The following TRPM3 variants were observed in gnomAD, a reference collection of about 807,000 sequenced individuals.
The protein encoded by TRPM3 is long transient receptor potential channel 3.
TRPM3 carries 77 observed loss-of-function variants against 181.2 expected under a neutral mutation model. The ratio of observed to expected loss-of-function variants is 0.42; its 90% CI spans 0.35 to 0.51. The LOEUF is 0.51. Ranked by LOEUF, TRPM3 falls within the 20% of genes least tolerant of loss-of-function variation. The pLI is 0.01. For missense variants in TRPM3, 1,759 were observed against 2,196.7 expected (o/e 0.80, Z 3.98); for synonymous variants, 745 against 796.4 (o/e 0.94, Z 1.09).
chr9:71,034,848 T>C (rs1175984140), intron 1 of TRPM3, among the ~76,000 whole-genome samples: 6 of 152,126 alleles, frequency 3.9e-5, no homozygotes, highest in Admixed American at 3.3e-4. Flanking sequence ...TATATATGTA[T>C]GTCCATATAT....
At chr9:71,331,403 G>C (rs2090098657) in intron 1 of TRPM3, among the ~76,000 whole-genome samples, 1 of 151,784 alleles carries the variant, frequency 6.6e-6, no homozygotes, top group Non-Finnish European at 1.5e-5. Flanking sequence ...GCTCATAATA[G>C]ATGGCACAGT....
At chr9:70,853,258 TC>T (rs2095291994) in intron 3 of TRPM3, among the ~76,000 whole-genome samples, 1 of 152,198 alleles carries the variant, frequency 6.6e-6, no homozygotes, top group Non-Finnish European at 1.5e-5. Flanking sequence ...ATCCTTTAAT[TC>T]ATTATTGAAG....
In TRPM3 at chr9:70,909,116, T is replaced by C. The variant is rs151081174; in HGVS notation, c.178-44605A>G. On this transcript the variant is annotated intron_variant, in intron 1 of 25. Coordinates refer to ENST00000677713, the MANE Select transcript of TRPM3 (RefSeq NM_001366145.2). ...AAGATTAATTGCAGTGCATTAAAAA[T>C]GTGAACTTCTGTTCATCAAAAAACT... 2.6e-3 allele frequency among the ~76,000 whole-genome samples: 401 copies of C among 152,320 alleles called. 1 individual carries two copies. Among genetic ancestry groups the C allele is most frequent in the African/African-American group, 8.8e-3 (367 of 41,568 alleles).
At chr9:70,666,700 T>C (rs1300175234) in intron 9 of TRPM3, among the ~76,000 whole-genome samples, 1 of 152,204 alleles carries the variant, frequency 6.6e-6, no homozygotes, top group Non-Finnish European at 1.5e-5. Context: ...CTCTTGCTCC[T>C]GTGTTCCTCT....
At chr9:71,391,533 A>C (rs1470179912) in intron 1 of TRPM3, among the ~76,000 whole-genome samples, 1 of 152,050 alleles carries the variant, frequency 6.6e-6, no homozygotes, top group Non-Finnish European at 1.5e-5. Context: ...TTTAAGCTCA[A>C]TTTATAAATA....
chr9:71,280,749 C>T (rs988484877), intron 1 of TRPM3, among the ~76,000 whole-genome samples: 3 of 152,218 alleles, frequency 2.0e-5, no homozygotes, highest in South Asian at 2.1e-4. Context: ...ATGGGGTTCT[C>T]GTGGCCTCCT....
At chr9:71,302,147 T>C (rs901600326) in intron 1 of TRPM3, among the ~76,000 whole-genome samples, 13 of 151,574 alleles carry the variant, frequency 8.6e-5, no homozygotes, top group African/African-American at 2.9e-4. Flanking sequence ...AATTACTTTC[T>C]ATGAAACTGT....
intron 1 of TRPM3, among the ~76,000 whole-genome samples, chr9:70,971,975 C>T (rs375562814): frequency 3.9e-5 from 6 of 152,260 alleles, no homozygotes; most frequent in Middle Eastern, 3.4e-3. Flanking sequence ...CTGCAACCTT[C>T]AAACACTGTT....
In TRPM3 at chr9:71,307,416, TTC is replaced by T. The variant is rs763532776; in HGVS notation, c.183+139235_183+139236del. On this transcript the variant is annotated intron_variant, in intron 1 of 24. Transcript: ENST00000357533. ...TCTAAGAGCTGATAAGTATTCAATT[TTC>T]TTTTATTTTTTCTTATATGTTTACA... Among the ~76,000 whole-genome samples the T allele has an allele frequency of 4.6e-5, 7 of 151,482 alleles. No individual in the cohort carries two copies. The East Asian group carries it at 1.2e-3, about 25-fold the overall frequency.
chr9:70,866,539 G>T (rs1238440783), intron 1 of TRPM3, among the ~76,000 whole-genome samples: 2 of 151,984 alleles, frequency 1.3e-5, no homozygotes, highest in African/African-American at 4.8e-5. Flanking sequence ...ATGATTTTGG[G>T]GGTACTATGC....
chr9:71,421,763 T>C (rs994027772), intron 1 of TRPM3, among the ~76,000 whole-genome samples: 8 of 152,018 alleles, frequency 5.3e-5, no homozygotes, highest in African/African-American at 1.9e-4. Context: ...CCGAGTGCTG[T>C]TAGCAATTGT....
intron 6 of TRPM3, among the ~76,000 whole-genome samples, chr9:70,800,415 T>G: frequency 6.6e-6 from 1 of 152,182 alleles, no homozygotes; most frequent in African/African-American, 2.4e-5. Flanking sequence ...CTCAGCCAGG[T>G]GGGTTGCATA....
At chr9:70,776,142 C>A in intron 7 of TRPM3, 1 of 268,086 alleles carries the variant, frequency 3.7e-6, no homozygotes, top group Non-Finnish European at 6.9e-6. Context: ...TCTAGGCCTC[C>A]TATCCCAGCT....
intron 1 of TRPM3, among the ~76,000 whole-genome samples, chr9:71,001,961 T>C (rs2134242607): frequency 6.6e-6 from 1 of 152,012 alleles, no homozygotes; most frequent in South Asian, 2.1e-4. Flanking sequence ...AGACCAGGTA[T>C]TTGGTCTTGT....
chr9:71,147,631 T>C (rs1378256318), intron 1 of TRPM3, among the ~76,000 whole-genome samples: 3 of 152,162 alleles, frequency 2.0e-5, no homozygotes, highest in African/African-American at 7.2e-5. Context: ...TTTAAACGAA[T>C]CTCTAGTCTG....
intron 1 of TRPM3, among the ~76,000 whole-genome samples, chr9:71,342,270 A>AT (rs397829323): frequency 7.5e-4 from 106 of 140,936 alleles, no homozygotes; most frequent in Admixed American, 1.4e-3. Flanking sequence ...ATATATATAT[A>AT]AATAAATATA....
At chr9:70,576,505 C>CT (rs1388798010) in intron 22 of TRPM3, among the ~76,000 whole-genome samples, 6 of 150,038 alleles carry the variant, frequency 4.0e-5, no homozygotes, top group African/African-American at 1.5e-4. Flanking sequence ...CCTCCTCCTT[C>CT]TTCTTTTTTT....
Position 70,688,330 on chromosome 9 carries a change from T to C in TRPM3, c.1273-6752A>G, listed in dbSNP as rs911230354. On this transcript the variant is annotated intron_variant, in intron 8 of 25. Transcript: ENST00000677713. ...ATTTTTATTTCAATAGTTTTTGGAG[T>C]ACAGGTGGCCTTTGGTTACATGGAT... Among the ~76,000 whole-genome samples the C allele has an allele frequency of 6.6e-5, 10 of 152,232 alleles. No homozygotes were observed. In the East Asian group the frequency reaches 9.7e-4, roughly 15 times the overall value.
chr9:70,887,535 C>T (rs928702905), intron 1 of TRPM3, among the ~76,000 whole-genome samples: 1 of 152,028 alleles, frequency 6.6e-6, no homozygotes, highest in Non-Finnish European at 1.5e-5. Context: ...CAGCATGATG[C>T]CTTTTTATGT....
Sources: gnomAD v4.1 joint callset for allele counts (sites outside exome capture counted in the v4.1 genomes callset) on GRCh38, gnomAD v4.1.1 for gene constraint, MANE v1.5 for transcripts, NCBI Gene and HGNC (gene_info 2026-07-23, HGNC 2026-07-21) for gene names.